Variants in GFRA1 observed in about 807,000 individuals in gnomAD.
GFRA1 encodes GDNF family receptor alpha-1.
GFRA1 carries 16 observed loss-of-function variants against 51.6 expected under a neutral mutation model. The observed-to-expected ratio is 0.31, with a 90% CI of 0.21 to 0.47. The LOEUF is 0.47. GFRA1 is among the 20% of genes least tolerant of loss of function. The pLI, the probability that GFRA1 is intolerant of heterozygous loss-of-function variation, is 1.00. For synonymous variants in GFRA1, 270 were observed against 241.3 expected, an observed-to-expected ratio of 1.12 and a Z score of -1.10; for missense variants, 530 against 594.3, an observed-to-expected ratio of 0.89 and a Z score of 1.13.
At position 116,061,079 on chromosome 10, in the gene GFRA1, C is replaced by T. The variant is rs921996545; in HGVS notation, c.*3319G>A. 6.6e-6 allele frequency: 1 copy of T among 152,058 alleles called. No homozygotes were observed. The highest frequency in any genetic ancestry group is 2.4e-5 in the African/African-American group (1 of 41,460). The allele number at this position is 152,058 out of a possible 1,614,324, so 9.4% of individuals were successfully genotyped here. A position where few individuals can be genotyped will look rare whatever the true frequency, so the allele number is the denominator to read the frequency against. ...TAGAGACAAGAAGGCAAGAGGGAGA[C>T]GGGCGGCAGCTAGAAGCGGCCCATC... On this transcript the variant is annotated 3_prime_UTR_variant, in exon 11 of 11. Transcript: ENST00000355422.
intron 4 of GFRA1, chr10:116,255,501 A>C (rs1968759722): frequency 1.1e-6 from 1 of 951,290 alleles, no homozygotes; most frequent in Non-Finnish European, 1.3e-6. Flanking sequence ...TCAGGAAAAA[A>C]AAAAACAAAA....
At chr10:116,191,475 T>C (rs191396198) in intron 5 of GFRA1, among the ~76,000 whole-genome samples, 1 of 151,456 alleles carries the variant, frequency 6.6e-6, no homozygotes, top group East Asian at 2.0e-4. Context: ...TTCAGCACAT[T>C]GTGAAAAAAT....
intron 9 of GFRA1, among the ~76,000 whole-genome samples, chr10:116,075,905 C>T (rs142024479): frequency 1.8e-3 from 274 of 152,098 alleles, no homozygotes; most frequent in African/African-American, 6.2e-3. Context: ...CCACTGTGCC[C>T]GGCTAATTTT....
chr10:116,213,179 A>C (rs1965329345), intron 4 of GFRA1, among the ~76,000 whole-genome samples: 2 of 151,322 alleles, frequency 1.3e-5, no homozygotes, highest in Non-Finnish European at 3.0e-5. Flanking sequence ...AATCTAATGA[A>C]ATAATGAAAT....
intron 5 of GFRA1, among the ~76,000 whole-genome samples, chr10:116,180,491 A>G (rs1962104367): frequency 6.6e-6 from 1 of 152,208 alleles, no homozygotes; most frequent in African/African-American, 2.4e-5. Context: ...AAGGATGGTA[A>G]CAGAGTAACA....
chr10:116,164,564 T>G (rs538880612), intron 5 of GFRA1, among the ~76,000 whole-genome samples: 1 of 152,274 alleles, frequency 6.6e-6, no homozygotes, highest in Non-Finnish European at 1.5e-5. Context: ...GGGTGAACGG[T>G]CTTCTGGAGA....
chr10:116,072,800 G>C (rs1049935609), intron 9 of GFRA1, among the ~76,000 whole-genome samples: 10 of 152,082 alleles, frequency 6.6e-5, no homozygotes, highest in Non-Finnish European at 1.5e-4. Context: ...AAAGAGCACA[G>C]GTTACAAGGT....
intron 9 of GFRA1, among the ~76,000 whole-genome samples, chr10:116,084,464 C>T (rs952537630): frequency 1.3e-5 from 2 of 152,106 alleles, no homozygotes; most frequent in African/African-American, 4.8e-5. Context: ...GCCAACTGCC[C>T]ACAGCTATCC....
intron 4 of GFRA1, among the ~76,000 whole-genome samples, chr10:116,229,692 A>C (rs76100237): frequency 0.025 from 3,880 of 152,260 alleles, 57 homozygotes; most frequent in Non-Finnish European, 0.038. Flanking sequence ...TGATGCTTCC[A>C]TGTGGACAGT....
chr10:116,226,964 G>A (rs4550150), intron 4 of GFRA1, among the ~76,000 whole-genome samples: 57,844 of 151,862 alleles, frequency 0.38, 12,171 homozygotes, highest in African/African-American at 0.56. Flanking sequence ...CGGTAATGTG[G>A]GCAATGGGGA....
intron 5 of GFRA1, among the ~76,000 whole-genome samples, chr10:116,184,026 G>C (rs1160682145): frequency 6.6e-6 from 1 of 152,242 alleles, no homozygotes; most frequent in Non-Finnish European, 1.5e-5. Flanking sequence ...CTGGCTGCTG[G>C]AAGTGCTTCC....
intron 4 of GFRA1, among the ~76,000 whole-genome samples, chr10:116,216,473 C>A (rs961942348): frequency 2.0e-5 from 3 of 152,136 alleles, no homozygotes; most frequent in African/African-American, 4.8e-5. Context: ...GTTAGAGAAA[C>A]CCTCACTATT....
At chr10:116,270,454 CTATTAT>C (rs772707623) in intron 3 of GFRA1, among the ~76,000 whole-genome samples, 2 of 152,180 alleles carry the variant, frequency 1.3e-5, no homozygotes, top group African/African-American at 2.4e-5. Context: ...GCAAGCCTTC[CTATTAT>C]TATTGAGAGG....
intron 5 of GFRA1, among the ~76,000 whole-genome samples, chr10:116,188,260 C>T (rs1263438886): frequency 6.6e-6 from 1 of 152,138 alleles, no homozygotes; most frequent in African/African-American, 2.4e-5. Flanking sequence ...TCTGAGGGTT[C>T]GGAGGAATGA....
At chr10:116,100,795 G>T (rs1205836117) in intron 6 of GFRA1, among the ~76,000 whole-genome samples, 1 of 152,144 alleles carries the variant, frequency 6.6e-6, no homozygotes, top group Non-Finnish European at 1.5e-5. Context: ...AGGAGACCGT[G>T]GCCATGAACC....
intron 5 of GFRA1, among the ~76,000 whole-genome samples, chr10:116,190,001 C>T (rs942575324): frequency 8.6e-5 from 13 of 151,926 alleles, no homozygotes; most frequent in African/African-American, 3.1e-4. Context: ...GAGCCCCAGG[C>T]GAGGCAGAGA....
chr10:116,083,711 C>T (rs1377850557), intron 9 of GFRA1, among the ~76,000 whole-genome samples: 1 of 152,120 alleles, frequency 6.6e-6, no homozygotes, highest in Non-Finnish European at 1.5e-5. Context: ...GGGGTTTGCC[C>T]CCACAAAGAA....
intron 5 of GFRA1, among the ~76,000 whole-genome samples, chr10:116,129,377 T>A (rs573742591): frequency 1.8e-3 from 280 of 152,296 alleles, no homozygotes; most frequent in African/African-American, 6.3e-3. Context: ...GTTTAATATT[T>A]AAAAATATAT....
At position 116,089,755 on chromosome 10, in the gene GFRA1, A is replaced by G; in HGVS notation, c.1183T>C (p.Cys395Arg). 6.2e-7 allele frequency: 1 copy of G among 1,614,004 alleles called. No individual in the cohort carries two copies. The highest frequency in any genetic ancestry group is 8.5e-7 in the Non-Finnish European group (1 of 1,179,924). Residue 395 changes from cysteine (C) to arginine (R), a missense_variant, in exon 9 of 11, where the codon TGT (cysteine) becomes CGT (arginine). Physicochemically the swap from Cys to Arg is radical, Grantham distance 180 (BLOSUM62 -3). Transcript: ENST00000355422. ...NEIPTHVLPPCANLQAQKLKS... is the reference protein window; with the variant it reads ...NEIPTHVLPPRANLQAQKLKS... ...GCAGTTCTCACCTGTAAATTTGCAC[A>G]CGGTGGCAAAACATGAGTGGGAATT... is the stretch of plus-strand genomic sequence containing the variant.
Sources: gnomAD v4.1 joint callset for allele counts (sites outside exome capture counted in the v4.1 genomes callset) on GRCh38, gnomAD v4.1.1 for gene constraint, MANE v1.5 for transcripts, NCBI Gene and HGNC (gene_info 2026-07-23, HGNC 2026-07-21) for gene names.